Variants in KLF8 observed in about 807,000 individuals in gnomAD.
KLF8 encodes Krueppel-like factor 8.
A neutral mutation model predicts 18.2 loss-of-function variants in KLF8; 10 were observed. The ratio of observed to expected loss-of-function variants is 0.55; its 90% confidence interval spans 0.34 to 0.93. The LOEUF is 0.93. KLF8 is among the 40% of genes least tolerant of loss of function. KLF8 has a pLI of 0.02. For missense variants in KLF8, 264 were observed against 277.9 expected, an observed-to-expected ratio of 0.95 and a Z score of 0.36; for synonymous variants, 109 against 97.3, an observed-to-expected ratio of 1.12 and a Z score of -0.71.
chrX:56,044,305 G>T, the KLF8 span, among the ~76,000 whole-genome samples: 1 of 112,159 alleles, frequency 8.9e-6, no homozygotes, highest in East Asian at 2.8e-4. Flanking sequence ...CCCATCCAAA[G>T]AAGCAGTCTG....
At chrX:56,058,287 T>TAC in the KLF8 span, among the ~76,000 whole-genome samples, 89 of 40,506 alleles carry the variant, frequency 2.2e-3, no homozygotes, top group East Asian at 5.1e-3. Context: ...TACATATATA[T>TAC]ATATATATAT....
the KLF8 span, among the ~76,000 whole-genome samples, chrX:55,967,702 A>G: frequency 8.9e-6 from 1 of 111,897 alleles, no homozygotes. Context: ...GTAAGTCCAT[A>G]GAAAAACACA....
At chrX:55,920,376 C>T in the KLF8 span, among the ~76,000 whole-genome samples, 4 of 111,287 alleles carry the variant, frequency 3.6e-5, no homozygotes, top group Non-Finnish European at 7.5e-5. Flanking sequence ...TTAACATACC[C>T]AAAATATCCT....
the KLF8 span, among the ~76,000 whole-genome samples, chrX:56,136,519 A>G: frequency 8.9e-6 from 1 of 112,017 alleles, no homozygotes; most frequent in Middle Eastern, 4.6e-3. Flanking sequence ...TTCCCTGTTT[A>G]ATAAATGGTG....
the KLF8 span, among the ~76,000 whole-genome samples, chrX:56,051,757 T>A: frequency 5.6e-5 from 6 of 107,495 alleles, no homozygotes; most frequent in African/African-American, 2.2e-4. Flanking sequence ...TTGGAGTTGC[T>A]CTTCTCGAGG....
the KLF8 span, among the ~76,000 whole-genome samples, chrX:56,021,859 C>A: frequency 9.1e-6 from 1 of 109,536 alleles, no homozygotes; most frequent in Admixed American, 9.8e-5. Flanking sequence ...GAACAGCAGG[C>A]CTTGTGCAGG....
chrX:55,935,533 A>G, the KLF8 span, among the ~76,000 whole-genome samples: 1 of 112,543 alleles, frequency 8.9e-6, no homozygotes, highest in Non-Finnish European at 1.9e-5. Context: ...AAGAATATTC[A>G]TGATATCAAA....
At chrX:55,969,658 G>GT in the KLF8 span, among the ~76,000 whole-genome samples, 1 of 111,389 alleles carries the variant, frequency 9.0e-6, no homozygotes, top group Admixed American at 9.6e-5. Context: ...AAAAGTTGTG[G>GT]TTTTTTAAAA....
At chrX:56,040,685 T>C in the KLF8 span, among the ~76,000 whole-genome samples, 379 of 109,275 alleles carry the variant, frequency 3.5e-3, no homozygotes, top group African/African-American at 0.012. Context: ...TTTTCTTCCA[T>C]TGCTGTATCT....
intron 1 of KLF8, among the ~76,000 whole-genome samples, chrX:56,248,088 A>G (rs909650608): frequency 1.5e-4 from 17 of 111,069 alleles, no homozygotes; most frequent in African/African-American, 4.9e-4. Context: ...TTATAATTGT[A>G]TAGAATCATT....
chrX:56,071,921 G>T, the KLF8 span, among the ~76,000 whole-genome samples: 2 of 111,917 alleles, frequency 1.8e-5, no homozygotes, highest in Non-Finnish European at 3.8e-5. Context: ...TACAGGATTG[G>T]AAGTGAAATT....
At chrX:56,153,750 A>G in the KLF8 span, among the ~76,000 whole-genome samples, 1 of 111,538 alleles carries the variant, frequency 9.0e-6, no homozygotes. Context: ...TACAAAATCA[A>G]TCTGCAAAAA....
At chrX:56,158,588 CT>C in the KLF8 span, among the ~76,000 whole-genome samples, 7 of 111,426 alleles carry the variant, frequency 6.3e-5, no homozygotes, top group Non-Finnish European at 1.1e-4. Context: ...TGTAGTTCTC[CT>C]TGAAGAGGTC....
chrX:56,076,137 C>A, the KLF8 span, among the ~76,000 whole-genome samples: 1 of 103,487 alleles, frequency 9.7e-6, no homozygotes, highest in Non-Finnish European at 1.9e-5. Context: ...AGGACATGAA[C>A]TCATAATTTT....
At chrX:56,195,837 G>A in the KLF8 span, among the ~76,000 whole-genome samples, 6 of 111,477 alleles carry the variant, frequency 5.4e-5, no homozygotes, top group East Asian at 1.7e-3. Flanking sequence ...AGAGAGAAAG[G>A]TCGAGTTACC....
the KLF8 span, among the ~76,000 whole-genome samples, chrX:56,053,544 G>GTT: frequency 1.5e-5 from 1 of 68,705 alleles, no homozygotes. Flanking sequence ...TCTTTTCTTT[G>GTT]TTTTTTTTTT....
the KLF8 span, among the ~76,000 whole-genome samples, chrX:55,980,410 G>A: frequency 9.0e-6 from 1 of 111,493 alleles, no homozygotes; most frequent in African/African-American, 3.3e-5. Context: ...GGAGGGTAAG[G>A]TTTGGAGATA....
At chrX:55,936,405 G>A in the KLF8 span, among the ~76,000 whole-genome samples, 1 of 112,611 alleles carries the variant, frequency 8.9e-6, no homozygotes, top group African/African-American at 3.2e-5. Flanking sequence ...GTGGAGCCAA[G>A]ATGGCCGAAT....
At chrX:56,045,882 G>T in the KLF8 span, among the ~76,000 whole-genome samples, 1 of 111,559 alleles carries the variant, frequency 9.0e-6, no homozygotes, top group African/African-American at 3.3e-5. Context: ...CCAGTACTAT[G>T]TTGAATAGAA....
Sources: gnomAD v4.1 joint callset for allele counts (sites outside exome capture counted in the v4.1 genomes callset) on GRCh38, gnomAD v4.1.1 for gene constraint, MANE v1.5 for transcripts, NCBI Gene and HGNC (gene_info 2026-07-23, HGNC 2026-07-21) for gene names.